C1QTNF8: variants seen among roughly 807,000 people sequenced by gnomAD.
C1QTNF8 encodes C1q and TNF related 8.
In C1QTNF8, 27 loss-of-function variants were observed where a neutral mutation model predicts 19.2. That is an observed-to-expected ratio of 1.41 (90% CI 1.04 to 1.94). The LOEUF (loss-of-function observed/expected upper bound fraction) is 1.94. Among genes scored for constraint, C1QTNF8 ranks in the 30% most tolerant of loss-of-function variants. C1QTNF8 has a pLI of 0.00. For missense variants in C1QTNF8, 484 were observed against 374.4 expected, an observed-to-expected ratio of 1.29 and a Z score of -2.42; for synonymous variants, 208 against 172.8, an observed-to-expected ratio of 1.20 and a Z score of -1.60.
At chr16:1,090,977 G>T (rs547256761) in intron 4 of C1QTNF8, among the ~76,000 whole-genome samples, 1 of 152,204 alleles carries the variant, frequency 6.6e-6, no homozygotes, top group Non-Finnish European at 1.5e-5. Flanking sequence ...CTGATGTTGG[G>T]GGCTGTCCTC....
In C1QTNF8 at chr16:1,093,697, G is replaced by A. The variant is rs1440125145; in HGVS notation, c.563C>T (p.Pro188Leu). The A allele has an allele frequency of 3.1e-6, 5 of 1,612,108 alleles. No individual in the cohort carries two copies. The highest frequency in any genetic ancestry group is 4.2e-6 in the Non-Finnish European group (5 of 1,179,682). ...TYLHIMLNRR[P>L]AAVLYAQPSE... is the part of the protein sequence containing the mutation. ...GGGCTGCGCGTAGAGCACGGCCGCGGGCCGCCGGTTCAGCATGATGTGCAG... is the reference window on the plus strand; with the variant it reads ...GGGCTGCGCGTAGAGCACGGCCGCGAGCCGCCGGTTCAGCATGATGTGCAG... The change falls in exon 4 of 5, where the codon CCC (proline) becomes CTC (leucine). Residue 188 changes from proline to leucine, a missense_variant. Transcript: ENST00000328449.
rs112386963 is a variant in C1QTNF8 at position 1,088,894 on chromosome 16, C to T, written c.*1705G>A. 8.6e-5 allele frequency among the ~76,000 whole-genome samples: 13 copies of T among 151,184 alleles called. No homozygotes were observed. Among genetic ancestry groups the T allele is most frequent in the African/African-American group, 2.7e-4 (11 of 40,972 alleles). On this transcript the variant is annotated 3_prime_UTR_variant, in exon 5 of 5. Transcript: ENST00000328449. ...TCTGTGCGGGGAGGTCCAGCCTGTC[C>T]CTCGGAATAAGCGCCTGGCTTCGGG...
Position 1,091,331 on chromosome 16 carries a change from T to C in C1QTNF8, c.*5-737A>G, listed in dbSNP as rs111400035. ...GCTGAGCTGCTCCTGATGCTGCTCC[T>C]GCCCGGGCCCAGTGGCCGCGCTGCC... On this transcript the variant is annotated intron_variant, in intron 4 of 4. Coordinates refer to ENST00000328449, the MANE Select transcript of C1QTNF8 (RefSeq NM_207419.3). Among the ~76,000 whole-genome samples the C allele has an allele frequency of 2.3e-3, 354 of 152,182 alleles. 1 individual carries two copies. Among genetic ancestry groups the C allele is most frequent in the African/African-American group, 8.1e-3 (337 of 41,548 alleles).
rs572208321 is a variant in C1QTNF8 at position 1,089,412 on chromosome 16, A to C, written c.*1187T>G. ...CGTGCAGCTGTCCTCCGGGGCCTGG[A>C]CACCAAGGGCTCGGCTCTGGGCAGT... On this transcript the variant is annotated 3_prime_UTR_variant, in exon 5 of 5. Transcript: ENST00000328449. Among the ~76,000 whole-genome samples the C allele has an allele frequency of 2.1e-3, 322 of 152,278 alleles. No homozygotes were observed. The highest frequency in any genetic ancestry group is 2.1e-3 in the Non-Finnish European group (143 of 68,004).
intron 3 of C1QTNF8, 107 bp from the exon 4 acceptor site, chr16:1,094,158 ACT>A (rs1392702880): frequency 6.7e-6 from 6 of 900,108 alleles, no homozygotes; most frequent in Non-Finnish European, 9.1e-6. Flanking sequence ...GTAAGGACAC[ACT>A]CTTTGCAAGT....
Position 1,093,975 on chromosome 16 carries a change from C to G in C1QTNF8, c.285G>C (p.Leu95=), listed in dbSNP as rs750363485. ...GCCCCTTCTGGCCTCTGCGGCCCTG[C>G]AGGCCCCGGGCGCCTGGCGGCCCCT... ...GKEGPPGARG[L]QGRRGQKGQV... Residue 95 remains leucine, a synonymous_variant, in exon 4 of 5, where the codon CTG becomes CTC. Coordinates refer to ENST00000328449, the MANE Select transcript of C1QTNF8 (RefSeq NM_207419.3). 2 of 1,470,684 alleles carry G rather than the reference C, an allele frequency of 1.4e-6. No individual in the cohort carries two copies. Among genetic ancestry groups the G allele is most frequent in the Non-Finnish European group, 1.8e-6 (2 of 1,126,362 alleles). 91.1% of individuals were successfully genotyped at this position (1,470,684 alleles called of 1,614,324 possible).
rs1040820569 is a variant in C1QTNF8, at chr16:1,093,775, C to T, written c.485G>A (p.Gly162Asp). 2 of 1,612,162 alleles carry T rather than the reference C, an allele frequency of 1.2e-6. No individual in the cohort carries two copies. The highest frequency in any genetic ancestry group is 3.3e-5 in the Admixed American group (2 of 60,006). The change falls in exon 4 of 5, where the codon GGC (glycine) becomes GAC (aspartate). Residue 162 changes from glycine (G) to aspartate (D), a missense_variant. Gly to Asp is a moderately conservative substitution (Grantham distance 94, BLOSUM62 -1). Transcript: ENST00000328449. ...AAGRFLCTVP[G>D]VYFLSLNVHT... is the part of the protein sequence containing the mutation. ...CACGTTGAGGCTGAGGAAGTAGACG[C>T]CGGGCACCGTGCAGAGGAAGCGGCC...
At position 1,088,961 on chromosome 16, in the gene C1QTNF8, C is replaced by T. The variant is rs1323649611; in HGVS notation, c.*1638G>A. Among the ~76,000 whole-genome samples the T allele has an allele frequency of 1.3e-5, 2 of 152,184 alleles. No homozygotes were observed. Among genetic ancestry groups the T allele is most frequent in the Non-Finnish European group, 2.9e-5 (2 of 68,020 alleles). On this transcript the variant is annotated 3_prime_UTR_variant, in exon 5 of 5. Transcript: ENST00000328449. ...CTGGGTCCTTGGCTGGGCCTGGTGA[C>T]GGGCACTTTCTGAGCTCCCTGGTGC...
At chr16:1,091,957 T>C (rs1300389273) in intron 4 of C1QTNF8, among the ~76,000 whole-genome samples, 3 of 152,134 alleles carry the variant, frequency 2.0e-5, no homozygotes, top group Admixed American at 6.5e-5. Context: ...GCTTGGCAAA[T>C]ACGCAATGTC....
At chr16:1,095,500 C>T (rs1960667515) in intron 2 of C1QTNF8, 115 bp downstream of exon 2, 1 of 152,390 alleles carries the variant, frequency 6.6e-6, no homozygotes, top group East Asian at 1.9e-4. Flanking sequence ...ATGGTCCCAC[C>T]TTGGTGCCGA....
rs1567392823 is a variant in C1QTNF8, at chr16:1,093,508, T to TACCCCTCA, written c.751_752insTGAGGGGT (p.Glu251ValfsTer219). The TACCCCTCA allele has an allele frequency of 6.5e-7, 1 of 1,530,554 alleles. No individual in the cohort carries two copies. The highest frequency in any genetic ancestry group is 2.0e-5 in the Admixed American group (1 of 50,480). The allele number at this position is 1,530,554 out of a possible 1,614,324, so 94.8% of individuals were successfully genotyped here. On this transcript the variant is annotated frameshift_variant, in exon 4 of 5. Coordinates refer to ENST00000328449, the MANE Select transcript of C1QTNF8 (RefSeq NM_207419.3). LOFTEE classifies it high-confidence loss of function. Reference sequence around the variant, plus strand: ...GCGGGGCCCCTCACCCGGCTACAGCTCGGCGGCCGGCTTGACCAGGTGGCC... The same window carrying TACCCCTCA: ...GCGGGGCCCCTCACCCGGCTACAGCTACCCCTCACGGCGGCCGGCTTGACCAGGTGGCC...
intron 3 of C1QTNF8, 126 bp from the exon 4 acceptor site, chr16:1,094,177 C>A: frequency 1.4e-6 from 1 of 738,658 alleles, no homozygotes; most frequent in Non-Finnish European, 1.9e-6. Flanking sequence ...AAGTGACGGC[C>A]CCTCTCCCAG....
At chr16:1,091,160 G>A (rs566353524) in intron 4 of C1QTNF8, among the ~76,000 whole-genome samples, 4 of 152,276 alleles carry the variant, frequency 2.6e-5, no homozygotes, top group South Asian at 4.1e-4. Flanking sequence ...TCAAGGGGCC[G>A]TGGGGGCACC....
rs774666718 is a variant in C1QTNF8, at chr16:1,093,727, G to T, written c.533C>A (p.Thr178Asn). ...LNVHTWNYKE[T>N]YLHIMLNRRP... ...CCGGTTCAGCATGATGTGCAGGTAG[G>T]TCTCCTTGTAGTTCCAGGTGTGCAC... Residue 178 changes from threonine (T) to asparagine (N), a missense_variant, in exon 4 of 5, where the codon ACC becomes AAC. Thr to Asn is a moderately conservative substitution (Grantham distance 65). Coordinates refer to ENST00000328449, the MANE Select transcript of C1QTNF8 (RefSeq NM_207419.3). 6.8e-6 allele frequency: 11 copies of T among 1,612,088 alleles called. No homozygotes were observed. Among genetic ancestry groups the T allele is most frequent in the Middle Eastern group, 1.7e-4 (1 of 6,058 alleles).
At position 1,089,223 on chromosome 16, in the gene C1QTNF8, C is replaced by G. The variant is rs1232938459; in HGVS notation, c.*1376G>C. The stretch of plus-strand genomic sequence containing the variant: ...GTCCGGACCCCTGGCTCCCATCTCC[C>G]ATCCAGCCCTGCTCTCTCACCGGGG... On this transcript the variant is annotated 3_prime_UTR_variant, in exon 5 of 5. Coordinates refer to ENST00000328449, the MANE Select transcript of C1QTNF8 (RefSeq NM_207419.3). Among the ~76,000 whole-genome samples the G allele has an allele frequency of 6.6e-6, 1 of 152,188 alleles. No individual in the cohort carries two copies. The highest frequency in any genetic ancestry group is 1.5e-5 in the Non-Finnish European group (1 of 68,008).
intron 3 of C1QTNF8, 162 bp downstream of exon 3, chr16:1,094,552 CG>C (rs1045612112): frequency 7.6e-5 from 39 of 511,932 alleles, no homozygotes; most frequent in Middle Eastern, 1.0e-3. Flanking sequence ...TTCCTGCTTG[CG>C]GGGGGAGCCC....
intron 2 of C1QTNF8, 127 bp from the exon 3 acceptor site, chr16:1,095,060 G>T: frequency 2.3e-6 from 1 of 432,120 alleles, no homozygotes; most frequent in Non-Finnish European, 4.0e-6. Context: ...TTCTGCCTGG[G>T]CACGGACGGT....
chr16:1,092,287 C>G (rs560024443), intron 4 of C1QTNF8, among the ~76,000 whole-genome samples: 35 of 150,532 alleles, frequency 2.3e-4, no homozygotes, highest in Non-Finnish European at 3.9e-4. Context: ...CTGCACACAG[C>G]TGGCACTCAA....
rs1233131224 is a variant in C1QTNF8 at position 1,093,752 on chromosome 16, C to T, written c.508G>A (p.Val170Met). ...GTCTCCTTGTAGTTCCAGGTGTGCA[C>T]GTTGAGGCTGAGGAAGTAGACGCCG... is the stretch of plus-strand genomic sequence containing the variant. ...VPGVYFLSLN[V>M]HTWNYKETYL... The change falls in exon 4 of 5, where the codon GTG (valine) becomes ATG (methionine). Residue 170 changes from valine (V) to methionine (M), a missense_variant. Coordinates refer to ENST00000328449, the MANE Select transcript of C1QTNF8 (RefSeq NM_207419.3). The T allele has an allele frequency of 6.2e-6, 10 of 1,612,124 alleles. No individual in the cohort carries two copies. The highest frequency in any genetic ancestry group is 3.3e-5 in the South Asian group (3 of 91,086).
Sources: allele counts gnomAD v4.1 joint callset (sites outside exome capture counted in the v4.1 genomes callset), GRCh38; gene constraint gnomAD v4.1.1; transcripts MANE v1.5; gene names NCBI Gene and HGNC (gene_info 2026-07-23, HGNC 2026-07-21).